KSR2: variants seen among roughly 807,000 people sequenced by gnomAD.
KSR2 encodes the protein kinase suppressor of ras 2.
KSR2 carries 25 observed loss-of-function variants against 107.8 expected under a neutral mutation model. That is an observed-to-expected ratio of 0.23 (90% CI 0.17 to 0.32). The LOEUF (loss-of-function observed/expected upper bound fraction) is 0.32, where lower values mean the gene tolerates loss of function less well. Ranked by LOEUF, KSR2 falls within the 10% of genes least tolerant of loss-of-function variation. The pLI is 1.00. For synonymous variants in KSR2, 480 were observed against 507.0 expected, an observed-to-expected ratio of 0.95 and a Z score of 0.71; for missense variants, 887 against 1,268.9, an observed-to-expected ratio of 0.70 and a Z score of 4.57.
chr12:117,538,352 A>G (rs1190763938), intron 10 of KSR2, among the ~76,000 whole-genome samples: 8 of 152,192 alleles, frequency 5.3e-5, no homozygotes, highest in Admixed American at 5.2e-4. Flanking sequence ...AATTCAAAAT[A>G]TGTGCCATCT....
At chr12:117,739,430 G>A (rs1284333434) in intron 4 of KSR2, among the ~76,000 whole-genome samples, 2 of 152,198 alleles carry the variant, frequency 1.3e-5, no homozygotes, top group African/African-American at 4.8e-5. Flanking sequence ...AACACTAGGT[G>A]AGAGGCAATT....
intron 1 of KSR2, among the ~76,000 whole-genome samples, chr12:117,958,305 C>T (rs1210508542): frequency 6.6e-6 from 1 of 152,148 alleles, no homozygotes; most frequent in Non-Finnish European, 1.5e-5. Context: ...AAAATATACA[C>T]CTGTGCTGAG....
intron 9 of KSR2, among the ~76,000 whole-genome samples, chr12:117,540,107 A>T (rs1876373855): frequency 6.6e-6 from 1 of 152,024 alleles, no homozygotes; most frequent in South Asian, 2.1e-4. Flanking sequence ...ATTCCTGTCC[A>T]CTGCTTGGAC....
chr12:117,566,344 T>G lies in KSR2; in HGVS notation c.1326-7771A>C, dbSNP rs1878494036. ...CATGTTGGCCAGGATGGTCTCAAAC[T>G]CCTGACCTCACGTGATCTGCCTACC... is the stretch of plus-strand genomic sequence containing the variant. On this transcript the variant is annotated intron_variant, in intron 7 of 19. Coordinates refer to ENST00000339824, the MANE Select transcript of KSR2 (RefSeq NM_173598.6). Among the ~76,000 whole-genome samples, 2 of 152,292 alleles carry G rather than the reference T, an allele frequency of 1.3e-5. 1 individual carries two copies. Among genetic ancestry groups the G allele is most frequent in the South Asian group, 4.1e-4 (2 of 4,826 alleles).
intron 5 of KSR2, among the ~76,000 whole-genome samples, chr12:117,622,406 G>A (rs1882246507): frequency 6.6e-6 from 1 of 152,102 alleles, no homozygotes; most frequent in South Asian, 2.1e-4. Context: ...CTATCTCAGA[G>A]AACCTCTTTG....
At chr12:117,949,829 A>G (rs770404839) in intron 1 of KSR2, among the ~76,000 whole-genome samples, 3 of 152,164 alleles carry the variant, frequency 2.0e-5, no homozygotes, top group Non-Finnish European at 4.4e-5. Context: ...TGGTGTATAC[A>G]TTTGCCAAAA....
At chr12:117,950,301 A>G (rs184495837) in intron 1 of KSR2, among the ~76,000 whole-genome samples, 96 of 152,292 alleles carry the variant, frequency 6.3e-4, no homozygotes, top group African/African-American at 2.3e-3. Flanking sequence ...ACATTAAACA[A>G]TAAGATAGAT....
chr12:117,531,156 G>T, intron 11 of KSR2, 143 bp from the exon 12 acceptor site: 1 of 686,180 alleles, frequency 1.5e-6, no homozygotes. Flanking sequence ...CTCCTTTCCT[G>T]GACCACCTGG....
Position 117,775,251 on chromosome 12 carries a change from G to A in KSR2, c.473-13727C>T, listed in dbSNP as rs1889646923. Among the ~76,000 whole-genome samples the A allele has an allele frequency of 2.0e-5, 3 of 152,150 alleles. 1 individual carries two copies. The South Asian group carries it at 6.2e-4, about 32-fold the overall frequency. Reference sequence around the variant, plus strand: ...CACCCTGCTGTTTTCCACAGTGCCTGCATCATTTTACATTCCCACCCAGCA... The same window carrying A: ...CACCCTGCTGTTTTCCACAGTGCCTACATCATTTTACATTCCCACCCAGCA... On this transcript the variant is annotated intron_variant, in intron 3 of 19. Coordinates refer to ENST00000339824, the MANE Select transcript of KSR2 (RefSeq NM_173598.6).
intron 5 of KSR2, among the ~76,000 whole-genome samples, chr12:117,603,483 G>A (rs746057462): frequency 1.4e-4 from 21 of 152,072 alleles, no homozygotes; most frequent in Non-Finnish European, 2.4e-4. Context: ...CCTGCCCACC[G>A]CCCTTCCTGT....
At chr12:117,594,208 T>C (rs1256952897) in intron 5 of KSR2, among the ~76,000 whole-genome samples, 2 of 152,144 alleles carry the variant, frequency 1.3e-5, no homozygotes, top group African/African-American at 4.8e-5. Context: ...TGCTGAGAAG[T>C]TCCCCCTACA....
At chr12:117,542,684 T>C (rs899773875) in intron 9 of KSR2, among the ~76,000 whole-genome samples, 3 of 152,132 alleles carry the variant, frequency 2.0e-5, no homozygotes. Flanking sequence ...AGATAGAGTC[T>C]TGCTACATTA....
At chr12:117,640,517 G>T (rs1252634636) in intron 5 of KSR2, among the ~76,000 whole-genome samples, 1 of 152,184 alleles carries the variant, frequency 6.6e-6, no homozygotes, top group East Asian at 1.9e-4. Flanking sequence ...TCCCAAAAGT[G>T]CTGGGATTAC....
intron 4 of KSR2, among the ~76,000 whole-genome samples, chr12:117,717,706 T>TGC (rs1298897680): frequency 5.6e-5 from 5 of 89,888 alleles, no homozygotes; most frequent in African/African-American, 2.0e-4. Flanking sequence ...TGTGTGTGTG[T>TGC]GTGTGTGCAT....
intron 3 of KSR2, among the ~76,000 whole-genome samples, chr12:117,826,464 A>C (rs1891756234): frequency 6.8e-6 from 1 of 146,034 alleles, no homozygotes; most frequent in Non-Finnish European, 1.5e-5. Flanking sequence ...GGGAAGGAGG[A>C]AAAAAAGATC....
intron 9 of KSR2, among the ~76,000 whole-genome samples, chr12:117,551,329 T>C (rs79417362): frequency 0.032 from 4,915 of 152,140 alleles, 274 homozygotes; most frequent in African/African-American, 0.1. Context: ...CCTTCTCCTC[T>C]TTCTCTGTCT....
intron 3 of KSR2, among the ~76,000 whole-genome samples, 196 bp downstream of exon 3, chr12:117,855,232 T>C (rs1331699394): frequency 6.6e-6 from 1 of 152,182 alleles, no homozygotes; most frequent in Admixed American, 6.5e-5. Context: ...AGAGTTCAAA[T>C]CCAAGAGCTG....
intron 4 of KSR2, among the ~76,000 whole-genome samples, chr12:117,676,071 A>G (rs1339191626): frequency 6.6e-6 from 1 of 152,180 alleles, no homozygotes; most frequent in Admixed American, 6.5e-5. Flanking sequence ...AGAATGCACA[A>G]TGTTCTGGGG....
At chr12:117,758,697 A>G (rs1888885637) in intron 4 of KSR2, among the ~76,000 whole-genome samples, 2 of 152,210 alleles carry the variant, frequency 1.3e-5, no homozygotes, top group African/African-American at 2.4e-5. Context: ...GGCAGAATAA[A>G]TCCTTCAGGG....
Sources: allele counts gnomAD v4.1 joint callset (sites outside exome capture counted in the v4.1 genomes callset), GRCh38; gene constraint gnomAD v4.1.1; transcripts MANE v1.5; gene names NCBI Gene and HGNC (gene_info 2026-07-23, HGNC 2026-07-21).